Variants in NRF1 observed in about 807,000 individuals in gnomAD.
The protein encoded by NRF1 is alpha palindromic-binding protein.
In NRF1, 5 loss-of-function variants were observed where a neutral mutation model predicts 58.5. The observed-to-expected ratio is 0.09, with a 90% confidence interval of 0.04 to 0.18. NRF1 has a LOEUF of 0.18. Among genes scored for constraint, NRF1 ranks in the 10% least tolerant of loss-of-function variants. NRF1 has a pLI of 1.00. For missense variants in NRF1, 288 were observed against 657.7 expected, an observed-to-expected ratio of 0.44 and a Z score of 6.15; for synonymous variants, 224 against 246.7, an observed-to-expected ratio of 0.91 and a Z score of 0.86.
intron 4 of NRF1, among the ~76,000 whole-genome samples, chr7:129,678,127 C>T (rs1003727403): frequency 2.0e-5 from 3 of 151,930 alleles, no homozygotes; most frequent in African/African-American, 4.8e-5. Flanking sequence ...TGAGGGAAAC[C>T]TGGGGGCATT....
intron 1 of NRF1, among the ~76,000 whole-genome samples, chr7:129,652,593 A>ATTTT (rs1185775761): frequency 6.6e-6 from 1 of 151,970 alleles, no homozygotes; most frequent in African/African-American, 2.4e-5. Context: ...TTTAAAATTT[A>ATTTT]TTTTTATTTA....
chr7:129,647,200 G>C (rs890311015), intron 1 of NRF1, among the ~76,000 whole-genome samples: 2 of 151,716 alleles, frequency 1.3e-5, no homozygotes, highest in Admixed American at 6.6e-5. Flanking sequence ...ACCATGTCCG[G>C]CTAATTTTTT....
chr7:129,692,483 G>C (rs1802593277), intron 5 of NRF1, among the ~76,000 whole-genome samples: 1 of 152,070 alleles, frequency 6.6e-6, no homozygotes, highest in Admixed American at 6.6e-5. Flanking sequence ...AGCCCCAGAG[G>C]TTGAGGCTGC....
chr7:129,749,580 T>A (rs1804064947), intron 10 of NRF1, among the ~76,000 whole-genome samples: 1 of 152,178 alleles, frequency 6.6e-6, no homozygotes, highest in African/African-American at 2.4e-5. Context: ...TGAGTCACCT[T>A]TGACTTTTTT....
intron 10 of NRF1, among the ~76,000 whole-genome samples, chr7:129,731,111 AAAT>A (rs1469495802): frequency 6.6e-6 from 1 of 152,138 alleles, no homozygotes; most frequent in East Asian, 1.9e-4. Context: ...GTTTCTACTA[AAAT>A]ACAAAAAATT....
At chr7:129,644,799 T>C (rs1328125012) in intron 1 of NRF1, among the ~76,000 whole-genome samples, 1 of 152,212 alleles carries the variant, frequency 6.6e-6, no homozygotes, top group East Asian at 1.9e-4. Context: ...TGTCTTTACA[T>C]TTTTTCCTTT....
chr7:129,749,771 A>G (rs1007489020), intron 10 of NRF1, among the ~76,000 whole-genome samples: 3 of 151,926 alleles, frequency 2.0e-5, no homozygotes, highest in African/African-American at 7.3e-5. Flanking sequence ...TGACTTTACC[A>G]TCAACTCAGT....
intron 10 of NRF1, among the ~76,000 whole-genome samples, chr7:129,742,162 C>T (rs1336401168): frequency 1.3e-5 from 2 of 151,204 alleles, no homozygotes; most frequent in Non-Finnish European, 2.9e-5. Context: ...ACTGGTTTTG[C>T]TTTGTCAGCA....
intron 1 of NRF1, among the ~76,000 whole-genome samples, chr7:129,637,403 A>G (rs988378425): frequency 6.6e-6 from 1 of 152,166 alleles, no homozygotes; most frequent in Non-Finnish European, 1.5e-5. Flanking sequence ...TCATTTGGTA[A>G]AAAGAAGAAG....
intron 1 of NRF1, among the ~76,000 whole-genome samples, chr7:129,647,809 T>C (rs1335131036): frequency 6.6e-6 from 1 of 152,256 alleles, no homozygotes; most frequent in Non-Finnish European, 1.5e-5. Flanking sequence ...AATATTTGAT[T>C]AGTCATACAA....
chr7:129,693,407 G>A (rs1426413664), intron 5 of NRF1, among the ~76,000 whole-genome samples: 2 of 152,148 alleles, frequency 1.3e-5, no homozygotes, highest in Admixed American at 6.5e-5. Context: ...CTAAATAGTG[G>A]TTCAGAAAGG....
intron 10 of NRF1, among the ~76,000 whole-genome samples, chr7:129,749,261 G>T (rs1804055033): frequency 6.6e-6 from 1 of 152,154 alleles, no homozygotes; most frequent in South Asian, 2.1e-4. Context: ...TTGAATTTGG[G>T]TTCTGTATTT....
intron 1 of NRF1, among the ~76,000 whole-genome samples, chr7:129,654,677 T>C (rs1801611865): frequency 6.6e-6 from 1 of 152,246 alleles, no homozygotes; most frequent in Non-Finnish European, 1.5e-5. Context: ...GATGTGTGAC[T>C]GTTCACTTGT....
At chr7:129,717,469 G>C in intron 9 of NRF1, 93 bp downstream of exon 9, 1 of 1,363,796 alleles carries the variant, frequency 7.3e-7, no homozygotes, top group Non-Finnish European at 9.8e-7. Flanking sequence ...GTCTCTGTTT[G>C]CCACAGTTGG....
intron 10 of NRF1, 133 bp from the exon 11 acceptor site, chr7:129,754,885 G>A: frequency 6.7e-6 from 5 of 750,582 alleles, no homozygotes; most frequent in Non-Finnish European, 1.0e-5. Context: ...CTTTGTGCCT[G>A]GGCCATGGGT....
At chr7:129,701,507 A>T (rs1173417874) in intron 5 of NRF1, among the ~76,000 whole-genome samples, 2 of 151,854 alleles carry the variant, frequency 1.3e-5, no homozygotes, top group African/African-American at 2.4e-5. Context: ...AGGCAGGAGA[A>T]TCACTTGAAC....
chr7:129,646,436 A>G (rs1421962950), intron 1 of NRF1, among the ~76,000 whole-genome samples: 1 of 152,202 alleles, frequency 6.6e-6, no homozygotes, highest in Non-Finnish European at 1.5e-5. Context: ...CACAGGTGTT[A>G]CAAGATGAAA....
At chr7:129,641,066 C>T (rs1257945713) in intron 1 of NRF1, among the ~76,000 whole-genome samples, 1 of 152,122 alleles carries the variant, frequency 6.6e-6, no homozygotes, top group Admixed American at 6.5e-5. Flanking sequence ...TCTTGCCATC[C>T]CAGTCCTACT....
At chr7:129,642,315 C>T (rs780801974) in intron 1 of NRF1, among the ~76,000 whole-genome samples, 1 of 152,064 alleles carries the variant, frequency 6.6e-6, no homozygotes, top group Non-Finnish European at 1.5e-5. Context: ...TTTATTTACT[C>T]ATTATTCAAG....
Sources: allele counts gnomAD v4.1 joint callset (sites outside exome capture counted in the v4.1 genomes callset), GRCh38; gene constraint gnomAD v4.1.1; transcripts MANE v1.5; gene names NCBI Gene and HGNC (gene_info 2026-07-23, HGNC 2026-07-21).